EEIG2: variants seen among roughly 807,000 people sequenced by gnomAD.
EEIG2 encodes EEIG family member 2, also known as family with sequence similarity 102 member B.
the EEIG2 span, chr1:108,624,627 G>A: frequency 0.011 from 18,017 of 1,609,400 alleles, 143 homozygotes; most frequent in South Asian, 0.028. Context: ...ACTCCAGTTC[G>A]TAAATGTTTA....
the EEIG2 span, among the ~76,000 whole-genome samples, chr1:108,563,466 C>T: frequency 6.6e-6 from 1 of 152,150 alleles, no homozygotes; most frequent in East Asian, 1.9e-4. Flanking sequence ...AATCACCAAA[C>T]TTAGGATTGG....
At chr1:108,600,474 T>G in the EEIG2 span, 1 of 1,414,258 alleles carries the variant, frequency 7.1e-7, no homozygotes. Context: ...CACATTACTT[T>G]TGCATGTTAG....
At chr1:108,577,021 T>G in the EEIG2 span, among the ~76,000 whole-genome samples, 1 of 148,704 alleles carries the variant, frequency 6.7e-6, no homozygotes, top group African/African-American at 2.5e-5. Flanking sequence ...TCATAGTGGT[T>G]TTGATTTGCA....
the EEIG2 span, among the ~76,000 whole-genome samples, chr1:108,582,124 A>T: frequency 6.6e-6 from 1 of 152,208 alleles, no homozygotes; most frequent in African/African-American, 2.4e-5. Context: ...TTTAGCAATA[A>T]AGTATTTTTA....
the EEIG2 span, among the ~76,000 whole-genome samples, chr1:108,595,782 T>C: frequency 1.3e-5 from 2 of 151,968 alleles, no homozygotes; most frequent in Non-Finnish European, 2.9e-5. Context: ...GAGGGAAATG[T>C]AGTAGCTTTT....
the EEIG2 span, among the ~76,000 whole-genome samples, chr1:108,590,216 T>G: frequency 1.1e-4 from 16 of 152,168 alleles, no homozygotes; most frequent in African/African-American, 3.4e-4. Context: ...CTCTGATGTA[T>G]GAGATGTTCA....
chr1:108,634,656 G>A, the EEIG2 span, among the ~76,000 whole-genome samples: 1 of 152,148 alleles, frequency 6.6e-6, no homozygotes, highest in Non-Finnish European at 1.5e-5. Flanking sequence ...TCATGCCACT[G>A]CACTTCCATC....
chr1:108,561,616 A>G, the EEIG2 span, among the ~76,000 whole-genome samples: 2 of 152,246 alleles, frequency 1.3e-5, no homozygotes, highest in Non-Finnish European at 2.9e-5. Context: ...TATGGAAGCC[A>G]GAAAATGTCT....
At chr1:108,582,750 G>T in the EEIG2 span, among the ~76,000 whole-genome samples, 1 of 152,120 alleles carries the variant, frequency 6.6e-6, no homozygotes, top group Non-Finnish European at 1.5e-5. Context: ...AGATCTTCAG[G>T]GTAGAAATGT....
At chr1:108,597,484 G>A in the EEIG2 span, among the ~76,000 whole-genome samples, 1 of 152,210 alleles carries the variant, frequency 6.6e-6, no homozygotes, top group East Asian at 1.9e-4. Flanking sequence ...TCATCTGCAG[G>A]AGTCAGGGAA....
chr1:108,562,877 T>C, the EEIG2 span, among the ~76,000 whole-genome samples: 1 of 152,110 alleles, frequency 6.6e-6, no homozygotes, highest in Non-Finnish European at 1.5e-5. Flanking sequence ...CTGAAATATC[T>C]AAAGGAAGTG....
At chr1:108,607,357 C>A in the EEIG2 span, among the ~76,000 whole-genome samples, 2 of 152,116 alleles carry the variant, frequency 1.3e-5, no homozygotes, top group Non-Finnish European at 2.9e-5. Flanking sequence ...GGAGGGTTTT[C>A]CCATACCTTT....
At chr1:108,633,291 T>C in the EEIG2 span, among the ~76,000 whole-genome samples, 1 of 152,114 alleles carries the variant, frequency 6.6e-6, no homozygotes, top group Non-Finnish European at 1.5e-5. Context: ...TAACATTTTT[T>C]GGTTTTCATT....
the EEIG2 span, among the ~76,000 whole-genome samples, chr1:108,602,590 C>A: frequency 2.0e-5 from 3 of 152,148 alleles, no homozygotes; most frequent in East Asian, 5.8e-4. Context: ...TATGAAGACC[C>A]TATTTCTGGC....
chr1:108,570,870 G>C, the EEIG2 span, among the ~76,000 whole-genome samples: 4 of 152,182 alleles, frequency 2.6e-5, no homozygotes, highest in African/African-American at 9.7e-5. Flanking sequence ...AGGCCTTAGT[G>C]ATGTTAAAGG....
At chr1:108,599,963 T>C in the EEIG2 span, among the ~76,000 whole-genome samples, 1 of 152,178 alleles carries the variant, frequency 6.6e-6, no homozygotes, top group Non-Finnish European at 1.5e-5. Context: ...ACCACTGCAC[T>C]CCAGCCTGGG....
the EEIG2 span, among the ~76,000 whole-genome samples, chr1:108,616,965 G>GGC: frequency 2.0e-5 from 3 of 151,754 alleles, no homozygotes; most frequent in Non-Finnish European, 4.4e-5. Context: ...GTCAGGGGAG[G>GGC]CCCCCCCCGG....
chr1:108,603,617 G>A, the EEIG2 span, among the ~76,000 whole-genome samples: 2 of 152,080 alleles, frequency 1.3e-5, no homozygotes, highest in African/African-American at 2.4e-5. Flanking sequence ...TCAAGCATAC[G>A]AAGAGACATG....
the EEIG2 span, among the ~76,000 whole-genome samples, chr1:108,566,489 G>T: frequency 6.6e-6 from 1 of 152,086 alleles, no homozygotes; most frequent in Non-Finnish European, 1.5e-5. Context: ...ATATGGCACA[G>T]AATTATTTAT....
Sources: gnomAD v4.1 joint callset for allele counts (sites outside exome capture counted in the v4.1 genomes callset) on GRCh38, gnomAD v4.1.1 for gene constraint, MANE v1.5 for transcripts, NCBI Gene and HGNC (gene_info 2026-07-23, HGNC 2026-07-21) for gene names.